The following TTLL11 variants were observed in gnomAD, a reference collection of about 807,000 sequenced individuals.
TTLL11 encodes the protein tubulin tyrosine ligase like 11, also known as tubulin polyglutamylase TTLL11.
In TTLL11, 42 loss-of-function variants were observed where a neutral mutation model predicts 51.7. The ratio of observed to expected loss-of-function variants is 0.81; its 90% CI spans 0.64 to 1.05. The LOEUF is 1.05. Ranked by LOEUF, TTLL11 falls within the 50% of genes least tolerant of loss-of-function variation. The pLI is 0.00. For missense variants in TTLL11, 799 were observed against 940.4 expected (o/e 0.85, Z 1.97); for synonymous variants, 381 against 383.5 (o/e 0.99, Z 0.08).
chr9:121,957,744 A>G (rs923634898), intron 6 of TTLL11, among the ~76,000 whole-genome samples: 1 of 152,122 alleles, frequency 6.6e-6, no homozygotes, highest in African/African-American at 2.4e-5. Context: ...CCATCCTCTC[A>G]AGAGCAAATG....
At chr9:121,885,492 T>A (rs1340155884) in intron 6 of TTLL11, 1 of 152,224 alleles carries the variant, frequency 6.6e-6, no homozygotes, top group South Asian at 2.1e-4. Flanking sequence ...GCTAAGCACA[T>A]CCTCTTATTT....
chr9:122,093,243 C>G lies in TTLL11; in HGVS notation c.-95G>C. ...CACCAAACTGCCGCCGCTGCAGCCG[C>G]TGCCACGCGTTCCCCGCCCGAGCCC... On this transcript the variant is annotated 5_prime_UTR_variant, in exon 1 of 9. Transcript: ENST00000321582. 2 of 1,503,314 alleles carry G rather than the reference C, an allele frequency of 1.3e-6. No homozygotes were observed. The highest frequency in any genetic ancestry group is 1.8e-6 in the Non-Finnish European group (2 of 1,138,166). 93.1% of individuals were successfully genotyped at this position (1,503,314 alleles called of 1,614,324 possible). A position where few individuals can be genotyped will look rare whatever the true frequency, so the allele number is the denominator to read the frequency against.
intron 2 of TTLL11, among the ~76,000 whole-genome samples, chr9:122,037,524 T>C (rs982198494): frequency 3.9e-5 from 6 of 152,200 alleles, no homozygotes; most frequent in African/African-American, 9.7e-5. Flanking sequence ...CATAGATATC[T>C]AGTAGAAAGT....
rs1463794165 is a variant in TTLL11 at position 121,915,980 on chromosome 9, GACACACACATAC to G, written c.1482-45244_1482-45233del. On this transcript the variant is annotated intron_variant, in intron 6 of 8. Transcript: ENST00000321582. ...AGAAATATTGGCATGTATAGACAAA[GACACACACATAC>G]ACACACACACACACACACACACACA... Among the ~76,000 whole-genome samples the G allele has an allele frequency of 7.9e-3, 776 of 98,686 alleles. 9 individuals are homozygous for G. Among genetic ancestry groups the G allele is most frequent in the African/African-American group, 0.029 (755 of 25,744 alleles). The allele number at this position is 98,686 out of a possible 152,430, so 64.7% of individuals were successfully genotyped here.
At chr9:121,942,736 TTA>T (rs1313491550) in intron 6 of TTLL11, among the ~76,000 whole-genome samples, 11 of 130,536 alleles carry the variant, frequency 8.4e-5, no homozygotes, top group African/African-American at 2.2e-4. Flanking sequence ...CTAATCTGTC[TTA>T]TTTTTTTTTT....
In TTLL11 at chr9:121,989,160, G is replaced by T; in HGVS notation, c.1269+35C>A. The T allele has an allele frequency of 1.2e-6, 2 of 1,607,372 alleles. No homozygotes were observed. The highest frequency in any genetic ancestry group is 1.7e-6 in the Non-Finnish European group (2 of 1,176,122). ...GAGAGCCCTCTTGAGGCCGGTCAAG[G>T]CTGGAAACGCAGGCTGGGAACTGGC... On this transcript the variant is annotated intron_variant, in intron 4 of 8. Coordinates refer to ENST00000321582, the MANE Select transcript of TTLL11 (RefSeq NM_001139442.2). This position sits in a 1 kb window ranked among gnomAD's most constrained non-coding sequence, Gnocchi z 4.2.
At position 121,819,766 on chromosome 9, in the gene TTLL11, G is replaced by A. The variant is rs1344705585; in HGVS notation, c.*2821C>T. ...TCCCGGCTCTACTTCCTATCTTCTC[G>A]GAGGAAGGAACCATCTGCTTTTGCT... On this transcript the variant is annotated 3_prime_UTR_variant, in exon 9 of 9. Transcript: ENST00000321582. Among the ~76,000 whole-genome samples the A allele has an allele frequency of 2.0e-5, 3 of 152,178 alleles. No homozygotes were observed. The highest frequency in any genetic ancestry group is 7.2e-5 in the African/African-American group (3 of 41,436).
rs149415956 is a variant in TTLL11 at position 121,845,707 on chromosome 9, T to C, written c.1840+14630A>G. Among the ~76,000 whole-genome samples the C allele has an allele frequency of 3.5e-3, 540 of 152,256 alleles. 6 individuals are homozygous for C. The highest frequency in any genetic ancestry group is 0.012 in the African/African-American group (494 of 41,582). On this transcript the variant is annotated intron_variant, in intron 8 of 8. Coordinates refer to ENST00000321582, the MANE Select transcript of TTLL11 (RefSeq NM_001139442.2). ...AAAGGGGTATAGTGTTATTTGAAAA[T>C]GGACTTATTAGCTGGAAACTAATTG...
At chr9:121,942,281 T>C (rs1417054205) in intron 6 of TTLL11, among the ~76,000 whole-genome samples, 3 of 152,182 alleles carry the variant, frequency 2.0e-5, no homozygotes, top group Non-Finnish European at 2.9e-5. Context: ...TCCTTGCATG[T>C]CCTCTCTGAC....
intron 3 of TTLL11, among the ~76,000 whole-genome samples, chr9:122,013,178 G>T (rs1381869495): frequency 1.3e-5 from 2 of 152,192 alleles, no homozygotes; most frequent in African/African-American, 2.4e-5. Context: ...CACTTAGGAA[G>T]TAATGAAGAA....
At position 121,822,454 on chromosome 9, in the gene TTLL11, G is replaced by A; in HGVS notation, c.*133C>T. The A allele has an allele frequency of 1.2e-6, 1 of 855,670 alleles. No individual in the cohort carries two copies. Among genetic ancestry groups the A allele is most frequent in the Non-Finnish European group, 1.7e-6 (1 of 585,404 alleles). 53.0% of individuals were successfully genotyped at this position (855,670 alleles called of 1,614,324 possible). Reference sequence around the variant, plus strand: ...GTGAAGCACAGCTCAGCCGCACACAGAGACAGTTCGTGGGGACCTCAGCTG... The same window carrying A: ...GTGAAGCACAGCTCAGCCGCACACAAAGACAGTTCGTGGGGACCTCAGCTG... On this transcript the variant is annotated 3_prime_UTR_variant, in exon 9 of 9. Coordinates refer to ENST00000321582, the MANE Select transcript of TTLL11 (RefSeq NM_001139442.2). This position sits in a 1 kb window ranked among gnomAD's most constrained non-coding sequence, Gnocchi z 5.8.
chr9:121,989,205 G>A lies in TTLL11; in HGVS notation c.1259C>T (p.Thr420Met), dbSNP rs1333698139. 5 of 1,613,812 alleles carry A rather than the reference G, an allele frequency of 3.1e-6. No homozygotes were observed. The highest frequency in any genetic ancestry group is 1.6e-4 in the Middle Eastern group (1 of 6,062). ...SDIPTGRPGPTCFQILGFDIL... is the reference protein window; with the variant it reads ...SDIPTGRPGPMCFQILGFDIL... The stretch of plus-strand genomic sequence containing the variant: ...ACTGGCAATGGTTACCTGGAAGCAC[G>A]TGGGGCCCGGCCTCCCCGTGGGGAT... Residue 420 changes from threonine to methionine, a missense_variant, in exon 4 of 9, where the codon ACG becomes ATG. By Grantham distance (81) the Thr-to-Met change is moderately conservative. Transcript: ENST00000321582. The surrounding 1 kb of genome is among the most constrained non-coding windows in gnomAD (Gnocchi z 4.2).
At chr9:121,838,087 G>A (rs1029962605) in intron 8 of TTLL11, among the ~76,000 whole-genome samples, 2 of 152,144 alleles carry the variant, frequency 1.3e-5, no homozygotes, top group Non-Finnish European at 2.9e-5. Context: ...ATTGTCTCCA[G>A]GCCAGCCTGC....
At chr9:121,983,742 C>G (rs1564340860) in intron 4 of TTLL11, among the ~76,000 whole-genome samples, 4 of 152,070 alleles carry the variant, frequency 2.6e-5, no homozygotes, top group Non-Finnish European at 5.9e-5. Flanking sequence ...CCACATGGAC[C>G]CTCTCATAGC....
chr9:121,834,482 C>CTTT (rs57838645), intron 8 of TTLL11, among the ~76,000 whole-genome samples: 2 of 145,094 alleles, frequency 1.4e-5, no homozygotes, highest in African/African-American at 2.5e-5. Context: ...CCCTGAGTGG[C>CTTT]TTTTTTTTTT....
At chr9:122,002,962 AAAG>A (rs1296629183) in intron 3 of TTLL11, among the ~76,000 whole-genome samples, 1 of 150,226 alleles carries the variant, frequency 6.7e-6, no homozygotes, top group African/African-American at 2.5e-5. Context: ...AAAAAAAAAA[AAAG>A]AGATCCCCAG....
At chr9:121,847,832 A>G (rs1203753928) in intron 8 of TTLL11, among the ~76,000 whole-genome samples, 1 of 151,844 alleles carries the variant, frequency 6.6e-6, no homozygotes, top group African/African-American at 2.4e-5. Context: ...TACCTAAACC[A>G]GATAATGATA....
At chr9:122,038,117 G>T (rs1844752502) in intron 2 of TTLL11, among the ~76,000 whole-genome samples, 1 of 152,086 alleles carries the variant, frequency 6.6e-6, no homozygotes, top group Non-Finnish European at 1.5e-5. Flanking sequence ...TTAAGGTTTG[G>T]GAGGAAATAT....
chr9:121,930,622 G>A (rs919386750), intron 6 of TTLL11, among the ~76,000 whole-genome samples: 5 of 152,148 alleles, frequency 3.3e-5, no homozygotes, highest in Non-Finnish European at 7.4e-5. Context: ...CCAGCCAGCC[G>A]GCAGTGGCAG....
Sources: allele counts gnomAD v4.1 joint callset (sites outside exome capture counted in the v4.1 genomes callset), GRCh38; gene constraint gnomAD v4.1.1; non-coding constraint Gnocchi (gnomAD v3.1); transcripts MANE v1.5; gene names NCBI Gene and HGNC (gene_info 2026-07-23, HGNC 2026-07-21).